Variants in ZNF536 observed in about 807,000 individuals in gnomAD.
ZNF536 encodes zinc finger protein 536.
Under a neutral mutation model 84.5 loss-of-function variants are expected in ZNF536, and 13 were observed. The observed-to-expected ratio is 0.15, with a 90% CI of 0.10 to 0.24. ZNF536 has a LOEUF of 0.24. ZNF536 is among the 10% of genes least tolerant of loss of function. The probability of loss-of-function intolerance (pLI) is 1.00; values close to 1 mark genes in which losing one functional copy is unlikely to be tolerated. For missense variants in ZNF536, 1,536 were observed against 1,747.5 expected, an observed-to-expected ratio of 0.88 and a Z score of 2.16; for synonymous variants, 811 against 742.5, an observed-to-expected ratio of 1.09 and a Z score of -1.50.
At chr19:30,235,412 T>C (rs956881571) in intron 1 of ZNF536, among the ~76,000 whole-genome samples, 4 of 152,216 alleles carry the variant, frequency 2.6e-5, no homozygotes, top group African/African-American at 9.6e-5. Flanking sequence ...AAGTTAAAAA[T>C]GTCAACCGGA....
At chr19:30,285,808 T>C (rs745853169) in intron 2 of ZNF536, among the ~76,000 whole-genome samples, 43 of 152,338 alleles carry the variant, frequency 2.8e-4, no homozygotes, top group South Asian at 6.2e-4. Context: ...TAGATGCTGA[T>C]AGCATGCCTC....
chr19:30,275,038 G>T (rs747017688), intron 1 of ZNF536, among the ~76,000 whole-genome samples: 1 of 152,126 alleles, frequency 6.6e-6, no homozygotes, highest in Non-Finnish European at 1.5e-5. Context: ...TCTTAGTTTT[G>T]TTGTCCTGCC....
intron 2 of ZNF536, among the ~76,000 whole-genome samples, chr19:30,523,613 A>G (rs2044456173): frequency 6.6e-6 from 1 of 152,222 alleles, no homozygotes; most frequent in Admixed American, 6.5e-5. Context: ...CTTCCCTCTC[A>G]GAATGCTTCC....
At position 30,693,049 on chromosome 19, in the gene ZNF536, A is replaced by AGAGT. The variant is rs1555840299; in HGVS notation, c.170-17707_170-17706insAGTG. Among the ~76,000 whole-genome samples, 60 of 149,092 alleles carry AGAGT rather than the reference A, an allele frequency of 4.0e-4. 4 individuals carry two copies. The highest frequency in any genetic ancestry group is 1.9e-3 in the South Asian group (9 of 4,720). ...GAGAGAGAGAGAGAGAGAGAGAGAG[A>AGAGT]GTGTGTGTATACGTGTGCAGCGTGG... is the stretch of plus-strand genomic sequence containing the variant. On this transcript the variant is annotated intron_variant, in intron 1 of 1. Transcript: ENST00000592773.
intron 1 of ZNF536, among the ~76,000 whole-genome samples, chr19:30,391,987 C>A (rs1409958400): frequency 6.6e-6 from 1 of 152,134 alleles, no homozygotes. Flanking sequence ...CCCCCCTTCA[C>A]CCCCGCCAAA....
At chr19:30,507,737 A>G (rs2145452720) in intron 2 of ZNF536, among the ~76,000 whole-genome samples, 1 of 152,334 alleles carries the variant, frequency 6.6e-6, no homozygotes, top group East Asian at 1.9e-4. Flanking sequence ...AAGTTGGAGG[A>G]AGCTAAAATT....
rs537686441 is a variant in ZNF536 at position 30,363,120 on chromosome 19, C to G, written c.-3+10636C>G. Among the ~76,000 whole-genome samples the G allele has an allele frequency of 8.9e-4, 135 of 152,170 alleles. 1 individual carries two copies. The highest frequency in any genetic ancestry group is 3.3e-3 in the African/African-American group (135 of 41,532). ...ATTAAGGAAAAACTTTGACGTGGCTCTCGTGCAGCAGGTCTTTATGACGTG... is the reference window on the plus strand; with the variant it reads ...ATTAAGGAAAAACTTTGACGTGGCTGTCGTGCAGCAGGTCTTTATGACGTG... On this transcript the variant is annotated intron_variant, in intron 3 of 5. Coordinates refer to the ZNF536 transcript ENST00000585628.
intron 1 of ZNF536, among the ~76,000 whole-genome samples, chr19:30,262,497 G>C (rs1488791929): frequency 1.3e-5 from 2 of 152,236 alleles, no homozygotes; most frequent in African/African-American, 2.4e-5. Context: ...GGGACTGACA[G>C]ATGGGCAGCA....
At chr19:30,533,114 A>G (rs1227375984) in intron 2 of ZNF536, among the ~76,000 whole-genome samples, 2 of 152,206 alleles carry the variant, frequency 1.3e-5, no homozygotes, top group African/African-American at 4.8e-5. Flanking sequence ...TGAGATTTCA[A>G]ATATAAATAA....
intron 1 of ZNF536, among the ~76,000 whole-genome samples, chr19:30,629,994 G>T (rs1216970792): frequency 2.0e-5 from 3 of 152,232 alleles, no homozygotes; most frequent in Non-Finnish European, 4.4e-5. Flanking sequence ...TTCTGCCAGG[G>T]AGGGCATTGG....
intron 2 of ZNF536, among the ~76,000 whole-genome samples, chr19:30,317,667 T>C (rs903666065): frequency 6.6e-6 from 1 of 152,212 alleles, no homozygotes; most frequent in African/African-American, 2.4e-5. Context: ...GCATTCCTTC[T>C]GGAGGGGGAG....
At chr19:30,596,036 C>T (rs2047452273) in intron 1 of ZNF536, among the ~76,000 whole-genome samples, 1 of 152,172 alleles carries the variant, frequency 6.6e-6, no homozygotes, top group Non-Finnish European at 1.5e-5. Context: ...AGGGTTTGTT[C>T]TTTGCTTTCT....
At chr19:30,264,966 T>TGTGTGTGA (rs59889852) in intron 1 of ZNF536, among the ~76,000 whole-genome samples, 98 of 133,858 alleles carry the variant, frequency 7.3e-4, no homozygotes, top group East Asian at 5.9e-3. Context: ...TGTGTGTGTG[T>TGTGTGTGA]GAGAGAGAGA....
At chr19:30,604,578 T>C (rs772517976) in intron 1 of ZNF536, among the ~76,000 whole-genome samples, 2 of 152,232 alleles carry the variant, frequency 1.3e-5, no homozygotes, top group Non-Finnish European at 2.9e-5. Context: ...TTTTTCTTTA[T>C]GATCAGAGGC....
intron 1 of ZNF536, among the ~76,000 whole-genome samples, chr19:30,381,752 C>T (rs1206579790): frequency 6.6e-6 from 1 of 152,130 alleles, no homozygotes; most frequent in African/African-American, 2.4e-5. Context: ...TGTAAACAGG[C>T]TTTCTTTCCA....
At chr19:30,649,864 G>A (rs1394064701) in intron 1 of ZNF536, among the ~76,000 whole-genome samples, 2 of 151,722 alleles carry the variant, frequency 1.3e-5, no homozygotes, top group Non-Finnish European at 2.9e-5. Context: ...AGTTTATACT[G>A]GTTTAATCTG....
Position 30,548,139 on chromosome 19 carries a change from G to A in ZNF536, c.2520G>A (p.Gly840=), listed in dbSNP as rs1302968003. The A allele has an allele frequency of 1.5e-5, 25 of 1,614,022 alleles. No homozygotes were observed. The highest frequency in any genetic ancestry group is 2.1e-5 in the Non-Finnish European group (25 of 1,179,964). Residue 840 remains glycine (G), a synonymous_variant, in exon 4 of 5, where the codon GGG becomes GGA. Transcript: ENST00000355537. The part of the protein sequence containing the change: ...SLFIRPDILR[G]AFKGLPGIDF... ...TCATCAGGCCAGACATCCTGAGGGG[G>A]GCCTTCAAGGGTCTCCCTGGAATCG...
intron 1 of ZNF536, among the ~76,000 whole-genome samples, chr19:30,701,357 A>C (rs1372297793): frequency 6.6e-6 from 1 of 151,870 alleles, no homozygotes; most frequent in Non-Finnish European, 1.5e-5. Flanking sequence ...ACAGACACAC[A>C]CAAACACAAA....
At chr19:30,665,870 G>A (rs1319756879) in intron 1 of ZNF536, 1 of 152,538 alleles carries the variant, frequency 6.6e-6, no homozygotes, top group Admixed American at 6.5e-5. Context: ...AGGACTGAGA[G>A]GAAAGGAGGG....
Sources: allele counts gnomAD v4.1 joint callset (sites outside exome capture counted in the v4.1 genomes callset), GRCh38; gene constraint gnomAD v4.1.1; transcripts MANE v1.5; gene names NCBI Gene and HGNC (gene_info 2026-07-23, HGNC 2026-07-21).